The following KRTAP4-11 variants were observed in gnomAD, a reference collection of about 807,000 sequenced individuals.
KRTAP4-11 encodes the protein keratin associated protein 4-11.
Under a neutral mutation model 3.4 loss-of-function variants are expected in KRTAP4-11, and 3 were observed. That is an observed-to-expected ratio of 0.87 (90% CI 0.40 to 2.26). KRTAP4-11 has a LOEUF of 2.26. Ranked by LOEUF, KRTAP4-11 falls within the 30% of genes most tolerant of loss-of-function variation. The pLI is 0.05. For missense variants in KRTAP4-11, 248 were observed against 258.8 expected, an observed-to-expected ratio of 0.96 and a Z score of 0.29; for synonymous variants, 94 against 89.4, an observed-to-expected ratio of 1.05 and a Z score of -0.29.
Position 41,118,336 on chromosome 17 carries a change from C to G in KRTAP4-11, c.-21G>C. 1 of 1,577,788 alleles carries G rather than the reference C, an allele frequency of 6.3e-7. No homozygotes were observed. Among genetic ancestry groups the G allele is most frequent in the Non-Finnish European group, 8.6e-7 (1 of 1,160,704 alleles). On this transcript the variant is annotated 5_prime_UTR_variant, in exon 1 of 1. Transcript: ENST00000391413. ...ACCATGGTGTCAGAGGGTGAAGGATCTAGTTGGGTTTCTAGGAGAGTGAAG... is the reference window on the plus strand; with the variant it reads ...ACCATGGTGTCAGAGGGTGAAGGATGTAGTTGGGTTTCTAGGAGAGTGAAG...
Position 41,117,879 on chromosome 17 carries a change from C to T in KRTAP4-11, c.437G>A (p.Arg146His), listed in dbSNP as rs1330010511. ...HPSCSISSCC[R>H]PSCCESSCCR... ...GCAGCTGGATTCACAGCAAGAGGGG[C>T]GGCAGCAGCTGGAGATGCTGCAGCT... Residue 146 changes from arginine to histidine, a missense_variant, in exon 1 of 1, where the codon CGC becomes CAC. Physicochemically the swap from Arg to His is conservative, Grantham distance 29. Around this residue, in one of 3 missense-constraint regions of KRTAP4-11, gnomAD observed 131 missense variants for 130.2 expected, o/e 1.01. Coordinates refer to ENST00000391413, the MANE Select transcript of KRTAP4-11 (RefSeq NM_033059.4). The T allele has an allele frequency of 4.3e-5, 70 of 1,611,392 alleles. No homozygotes were observed. The highest frequency in any genetic ancestry group is 1.7e-4 in the Middle Eastern group (1 of 5,944).
chr17:41,117,620 C>G lies in KRTAP4-11; in HGVS notation c.*108G>C, dbSNP rs1342225970. The G allele has an allele frequency of 6.9e-7, 1 of 1,459,498 alleles. No individual in the cohort carries two copies. Among genetic ancestry groups the G allele is most frequent in the African/African-American group, 1.4e-5 (1 of 70,140 alleles). 90.4% of individuals were successfully genotyped at this position (1,459,498 alleles called of 1,614,324 possible). ...GCTCATTGGAAACATGAAGTCCACC[C>G]TGCTGAATGACATCAATCCCACTCC... is the stretch of plus-strand genomic sequence containing the variant. On this transcript the variant is annotated 3_prime_UTR_variant, in exon 1 of 1. Coordinates refer to ENST00000391413, the MANE Select transcript of KRTAP4-11 (RefSeq NM_033059.4).
Sources: allele counts gnomAD v4.1 joint callset, GRCh38; gene constraint gnomAD v4.1.1; regional missense constraint gnomAD v4.1.1; transcripts MANE v1.5; gene names NCBI Gene and HGNC (gene_info 2026-07-23, HGNC 2026-07-21).